Variants in RBBP8 observed in about 807,000 individuals in gnomAD.
RBBP8 encodes the protein RB binding protein 8, endonuclease.
Under a neutral mutation model 108.3 loss-of-function variants are expected in RBBP8, and 88 were observed. That is an observed-to-expected ratio of 0.81 (90% CI 0.68 to 0.97). The LOEUF is 0.97. Ranked by LOEUF, RBBP8 falls within the 50% of genes least tolerant of loss-of-function variation. The pLI, the probability that RBBP8 is intolerant of heterozygous loss-of-function variation, is 0.00. For missense variants in RBBP8, 1,023 were observed against 1,049.0 expected (o/e 0.98, Z 0.34); for synonymous variants, 332 against 348.2 (o/e 0.95, Z 0.52).
At chr18:23,016,190 T>C (rs1416715407) in intron 16 of RBBP8, among the ~76,000 whole-genome samples, 1 of 152,218 alleles carries the variant, frequency 6.6e-6, no homozygotes, top group Non-Finnish European at 1.5e-5. Context: ...TTGCTCAGGA[T>C]TGCTTTGGCT....
chr18:22,998,893 A>G (rs908145053), intron 14 of RBBP8, among the ~76,000 whole-genome samples: 2 of 152,192 alleles, frequency 1.3e-5, no homozygotes, highest in Non-Finnish European at 2.9e-5. Context: ...AAAAACCTTC[A>G]CAGTAGTTTA....
chr18:23,004,082 A>C (rs1244105732), intron 15 of RBBP8, among the ~76,000 whole-genome samples: 1 of 141,236 alleles, frequency 7.1e-6, no homozygotes, highest in Non-Finnish European at 1.5e-5. Context: ...AAAAAAAAAA[A>C]ACTAAAAATG....
chr18:23,010,778 C>T (rs981103274), intron 16 of RBBP8, among the ~76,000 whole-genome samples: 1 of 152,086 alleles, frequency 6.6e-6, no homozygotes, highest in Admixed American at 6.6e-5. Flanking sequence ...TACATTGTTG[C>T]TTTTTCCACT....
At position 22,946,428 on chromosome 18, in the gene RBBP8, T is replaced by C; in HGVS notation, c.110-16T>C. 1 of 1,611,992 alleles carries C rather than the reference T, an allele frequency of 6.2e-7. No homozygotes were observed. Among genetic ancestry groups the C allele is most frequent in the Non-Finnish European group, 8.5e-7 (1 of 1,178,904 alleles). Reference sequence around the variant, plus strand: ...GAACTGTTGTAGAAGTAATACCTTTTCTTTTTACTTTTCAGGTTTACAAGT... The same window carrying C: ...GAACTGTTGTAGAAGTAATACCTTTCCTTTTTACTTTTCAGGTTTACAAGT... On this transcript the variant is annotated splice_polypyrimidine_tract_variant and intron_variant, in intron 2 of 18. Transcript: ENST00000327155.
intron 5 of RBBP8, among the ~76,000 whole-genome samples, chr18:22,972,929 G>A (rs1408963598): frequency 2.6e-5 from 4 of 152,140 alleles, no homozygotes; most frequent in Admixed American, 6.5e-5. Context: ...GAAAATGGGA[G>A]GGAAAGACAC....
intron 18 of RBBP8, among the ~76,000 whole-genome samples, chr18:23,025,086 C>A (rs549400388): frequency 2.0e-5 from 3 of 151,592 alleles, no homozygotes; most frequent in South Asian, 2.1e-4. Context: ...TGGCTCTAGA[C>A]GAAATAAATA....
intron 4 of RBBP8, among the ~76,000 whole-genome samples, chr18:22,955,479 G>A (rs917970401): frequency 6.6e-6 from 1 of 152,120 alleles, no homozygotes; most frequent in Non-Finnish European, 1.5e-5. Context: ...TAACGCTACA[G>A]GATAGATGAT....
In RBBP8 at chr18:22,946,433, T is replaced by C; in HGVS notation, c.110-11T>C. On this transcript the variant is annotated splice_polypyrimidine_tract_variant and intron_variant, in intron 2 of 18. Coordinates refer to ENST00000327155, the MANE Select transcript of RBBP8 (RefSeq NM_002894.3). ...GTTGTAGAAGTAATACCTTTTCTTT[T>C]TACTTTTCAGGTTTACAAGTAAAAG... 6.2e-7 allele frequency: 1 copy of C among 1,612,364 alleles called. No homozygotes were observed. The highest frequency in any genetic ancestry group is 1.1e-5 in the South Asian group (1 of 91,016).
rs949694682 is a variant in RBBP8, at chr18:22,946,371, T to C, written c.110-73T>C. 3 of 1,587,554 alleles carry C rather than the reference T, an allele frequency of 1.9e-6. No homozygotes were observed. The African/African-American group carries it at 4.0e-5, about 21-fold the overall frequency. On this transcript the variant is annotated intron_variant, in intron 2 of 18. Transcript: ENST00000327155. ...TTATTATTTAGAGGCCAGACTGATG[T>C]GACTTAATAGTGGAGCATTTGACTC...
chr18:22,945,388 A>T (rs5013130), intron 2 of RBBP8, among the ~76,000 whole-genome samples: 26,926 of 151,628 alleles, frequency 0.18, 3,082 homozygotes, highest in East Asian at 0.4. Context: ...GTTTTATTTT[A>T]TTTTATTTTA....
In RBBP8 at chr18:22,993,723, T is replaced by A. The variant is rs747050011; in HGVS notation, c.1815T>A (p.Ser605Arg). The A allele has an allele frequency of 3.1e-6, 5 of 1,614,170 alleles. No individual in the cohort carries two copies. In the Admixed American group the frequency reaches 6.7e-5, roughly 22 times the overall value. The stretch of plus-strand genomic sequence containing the variant: ...GCTAACAATTATTTCTGTTTTAGAG[T>A]GCTGGTTCTCATGAGCCAATAAAAA... ...ETENVLDDIKSAGSHEPIKIQ... is the reference protein window; with the variant it reads ...ETENVLDDIKRAGSHEPIKIQ... The change falls in exon 12 of 19, where the codon AGT becomes AGA. Residue 605 changes from serine (S) to arginine (R), a missense_variant and splice_region_variant. Physicochemically the swap from Ser to Arg is moderately radical, Grantham distance 110. Transcript: ENST00000327155.
chr18:22,939,791 A>T (rs1410169015), intron 2 of RBBP8, among the ~76,000 whole-genome samples: 1 of 152,294 alleles, frequency 6.6e-6, no homozygotes, highest in South Asian at 2.1e-4. Context: ...ATACTATGTT[A>T]TTATCTGAAA....
intron 12 of RBBP8, 127 bp from the exon 13 acceptor site, chr18:22,996,244 TTAG>T: frequency 4.9e-6 from 7 of 1,425,628 alleles, no homozygotes; most frequent in Non-Finnish European, 6.5e-6. Flanking sequence ...TTTATATATC[TTAG>T]ATATAAGTCC....
intron 4 of RBBP8, among the ~76,000 whole-genome samples, chr18:22,951,945 G>A (rs990279724): frequency 6.6e-6 from 1 of 152,206 alleles, no homozygotes; most frequent in Non-Finnish European, 1.5e-5. Context: ...TCTTAACTGA[G>A]ACTTGATTGA....
chr18:22,956,070 A>G (rs1912504329), intron 4 of RBBP8, among the ~76,000 whole-genome samples: 1 of 151,982 alleles, frequency 6.6e-6, no homozygotes, highest in African/African-American at 2.4e-5. Flanking sequence ...AACATTGCCT[A>G]TTGTATAGTC....
chr18:22,932,156 G>T (rs1467266525), upstream of RBBP8, among the ~76,000 whole-genome samples: 1 of 152,138 alleles, frequency 6.6e-6, no homozygotes, highest in Non-Finnish European at 1.5e-5. Context: ...TGAGACACAG[G>T]CAGAGGCCAT....
chr18:23,013,772 G>A (rs2046210865), intron 16 of RBBP8, among the ~76,000 whole-genome samples: 1 of 152,202 alleles, frequency 6.6e-6, no homozygotes, highest in Admixed American at 6.5e-5. Flanking sequence ...TCCAGAAGGA[G>A]CTGTTGTCAT....
chr18:23,005,408 T>C lies in RBBP8; in HGVS notation c.2288-955T>C, dbSNP rs556944198. On this transcript the variant is annotated intron_variant, in intron 15 of 18. Transcript: ENST00000327155. ...CACACTGTATAAAGATGTATACTTA[T>C]GTGTAAATTTTTTTTATTTTTTTGA... Among the ~76,000 whole-genome samples the C allele has an allele frequency of 5.9e-5, 9 of 152,260 alleles. No individual in the cohort carries two copies. In the South Asian group the frequency reaches 1.7e-3, roughly 28 times the overall value.
chr18:23,022,608 A>AAAATAAAATAAAATAAAATAAAAT (rs1568009824), intron 18 of RBBP8, among the ~76,000 whole-genome samples: 2 of 80,186 alleles, frequency 2.5e-5, no homozygotes, highest in African/African-American at 6.4e-5. Flanking sequence ...TCTCAAAAAT[A>AAAATAAAATAAAATAAAATAAAAT]AAATAAAATA....
Sources: allele counts gnomAD v4.1 joint callset (sites outside exome capture counted in the v4.1 genomes callset), GRCh38; gene constraint gnomAD v4.1.1; transcripts MANE v1.5; gene names NCBI Gene and HGNC (gene_info 2026-07-23, HGNC 2026-07-21).